Variants in ATP2B2 observed in about 807,000 individuals in gnomAD.
ATP2B2 encodes the protein ATPase plasma membrane Ca2+ transporting 2.
In ATP2B2, 15 loss-of-function variants were observed where a neutral mutation model predicts 120.0. The ratio of observed to expected loss-of-function variants is 0.12; its 90% CI spans 0.08 to 0.19. The LOEUF (loss-of-function observed/expected upper bound fraction) is 0.19. ATP2B2 is among the 10% of genes least tolerant of loss of function. The probability of loss-of-function intolerance (pLI) is 1.00; values close to 1 mark genes in which losing one functional copy is unlikely to be tolerated. For synonymous variants in ATP2B2, 694 were observed against 700.3 expected, an observed-to-expected ratio of 0.99 and a Z score of 0.14; for missense variants, 1,045 against 1,719.8, an observed-to-expected ratio of 0.61 and a Z score of 6.94.
intron 14 of ATP2B2, among the ~76,000 whole-genome samples, chr3:10,354,049 C>T (rs1268053329): frequency 1.3e-5 from 2 of 152,180 alleles, no homozygotes; most frequent in South Asian, 2.1e-4. Context: ...GCCTTCTTGC[C>T]CTGCTCATTC....
rs2059925974 is a variant in ATP2B2, at chr3:10,329,601, A to C, written c.3421-476T>G. Reference sequence around the variant, plus strand: ...ACACACAGTTAAGAAACCATACAACATGGAACATGTTACGTGTCACAAACA... The same window carrying C: ...ACACACAGTTAAGAAACCATACAACCTGGAACATGTTACGTGTCACAAACA... On this transcript the variant is annotated intron_variant, in intron 22 of 22. Coordinates refer to ENST00000360273, the MANE Select transcript of ATP2B2 (RefSeq NM_001001331.4). This position sits in a 1 kb window ranked among gnomAD's most constrained non-coding sequence, Gnocchi z 5.9. 1.3e-5 allele frequency among the ~76,000 whole-genome samples: 2 copies of C among 152,166 alleles called. No individual in the cohort carries two copies. The highest frequency in any genetic ancestry group is 4.1e-4 in the South Asian group (2 of 4,830).
intron 1 of ATP2B2, among the ~76,000 whole-genome samples, chr3:10,692,084 C>CAG (rs757946873): frequency 3.1e-4 from 47 of 151,188 alleles, no homozygotes; most frequent in Middle Eastern, 3.4e-3. Flanking sequence ...TATATTAAAT[C>CAG]AGAGAGAGAG....
rs11128515 is a variant in ATP2B2, at chr3:10,545,456, G to C, written c.-414-11323C>G. Among the ~76,000 whole-genome samples, 2,114 of 152,066 alleles carry C rather than the reference G, an allele frequency of 0.014. 140 individuals are homozygous for C. The East Asian group carries it at 0.2, about 14-fold the overall frequency. On this transcript the variant is annotated intron_variant, in intron 2 of 21. Coordinates refer to the ATP2B2 transcript ENST00000646379. ...CAGCGAGAGAATCGCTTGAACTCAG[G>C]AGGTGGAAGTTACAGTGAGCCAAGA... is the stretch of plus-strand genomic sequence containing the variant.
At chr3:10,690,808 T>C (rs893396000) in intron 1 of ATP2B2, among the ~76,000 whole-genome samples, 3 of 152,244 alleles carry the variant, frequency 2.0e-5, no homozygotes, top group African/African-American at 2.4e-5. Flanking sequence ...ATATGAATTA[T>C]ATGAATTCTC....
In ATP2B2 at chr3:10,428,662, T is replaced by C. The variant is rs141465243; in HGVS notation, c.200-17847A>G. ...TCAAATCACAGTCCATTGAGTTCTG[T>C]GTAGCCTGAGGCTCAGTGAAAAAAG... On this transcript the variant is annotated intron_variant, in intron 2 of 22. Transcript: ENST00000360273. Among the ~76,000 whole-genome samples the C allele has an allele frequency of 1.1e-3, 175 of 152,336 alleles. 1 individual carries two copies. The highest frequency in any genetic ancestry group is 4.0e-3 in the African/African-American group (166 of 41,564).
intron 1 of ATP2B2, among the ~76,000 whole-genome samples, chr3:10,628,396 G>GTGAA: frequency 6.6e-6 from 1 of 150,464 alleles, no homozygotes; most frequent in African/African-American, 2.5e-5. Flanking sequence ...GCAGCCAGGA[G>GTGAA]CAGCCCTCCT....
At chr3:10,581,145 C>T (rs952135139) in intron 2 of ATP2B2, among the ~76,000 whole-genome samples, 3 of 152,220 alleles carry the variant, frequency 2.0e-5, no homozygotes, top group Non-Finnish European at 4.4e-5. Context: ...AACCAGTAGG[C>T]AGCAGGGCCA....
chr3:10,704,024 G>A (rs71316422), intron 1 of ATP2B2, among the ~76,000 whole-genome samples: 6,278 of 152,200 alleles, frequency 0.041, 170 homozygotes, highest in South Asian at 0.13. Flanking sequence ...CCCTGTGGAG[G>A]CCACAGTAAA....
rs114125702 is a variant in ATP2B2, at chr3:10,653,778, C to T, written c.-459-33817G>A. On this transcript the variant is annotated intron_variant, in intron 1 of 21. Coordinates refer to the ATP2B2 transcript ENST00000646379. ...AGGCTTAGTGAGAGTCTCCAGCCTA[C>T]GTCTTACTATAGCCTACGATATCCT... Among the ~76,000 whole-genome samples the T allele has an allele frequency of 5.7e-3, 867 of 152,248 alleles. 11 individuals carry two copies. The highest frequency in any genetic ancestry group is 0.02 in the African/African-American group (811 of 41,540).
chr3:10,616,996 A>G (rs1460502591), intron 2 of ATP2B2, among the ~76,000 whole-genome samples: 1 of 152,192 alleles, frequency 6.6e-6, no homozygotes, highest in African/African-American at 2.4e-5. Context: ...TTTCTCCTCC[A>G]TTATTAAAAA....
chr3:10,582,284 C>T (rs2068409265), intron 2 of ATP2B2, among the ~76,000 whole-genome samples: 1 of 152,070 alleles, frequency 6.6e-6, no homozygotes, highest in Admixed American at 6.5e-5. Flanking sequence ...TGGAGACAGA[C>T]CTTGCAAGTT....
chr3:10,369,138 AGCT>A (rs1292685689), intron 12 of ATP2B2, among the ~76,000 whole-genome samples: 14 of 152,316 alleles, frequency 9.2e-5, no homozygotes, highest in Admixed American at 2.0e-4. Context: ...TGGGTAGTGA[AGCT>A]GGTGGACATT....
chr3:10,389,404 G>A (rs1391353769), intron 5 of ATP2B2, among the ~76,000 whole-genome samples: 1 of 152,216 alleles, frequency 6.6e-6, no homozygotes, highest in Non-Finnish European at 1.5e-5. Context: ...ACACTCAATG[G>A]AATATTATTC....
rs140479694 is a variant in ATP2B2, at chr3:10,387,003, C to T, written c.908-491G>A. The stretch of plus-strand genomic sequence containing the variant: ...AGAGTCTGGGGGCGTCTTCCCCTCA[C>T]TCAAGCCTCAGTGAGGTGAAGACAA... On this transcript the variant is annotated intron_variant, in intron 6 of 22. Transcript: ENST00000360273. Among the ~76,000 whole-genome samples the T allele has an allele frequency of 1.2e-3, 177 of 152,342 alleles. 6 individuals are homozygous for T. In the South Asian group the frequency reaches 0.027, roughly 24 times the overall value.
At chr3:10,373,984 C>T (rs1457001880) in intron 11 of ATP2B2, among the ~76,000 whole-genome samples, 1 of 152,150 alleles carries the variant, frequency 6.6e-6, no homozygotes, top group African/African-American at 2.4e-5. Flanking sequence ...GCTCCCAGGT[C>T]CAGGCTCAGA....
At chr3:10,470,715 C>T (rs1430216906) in intron 1 of ATP2B2, among the ~76,000 whole-genome samples, 1 of 152,200 alleles carries the variant, frequency 6.6e-6, no homozygotes, top group Non-Finnish European at 1.5e-5. Flanking sequence ...CTCGGGGCAT[C>T]TCTGCCTCAG....
At chr3:10,370,606 C>T (rs192987636) in intron 12 of ATP2B2, among the ~76,000 whole-genome samples, 1 of 152,186 alleles carries the variant, frequency 6.6e-6, no homozygotes, top group Non-Finnish European at 1.5e-5. Flanking sequence ...GGTGCAGGAG[C>T]CGCCTCCTCC....
At chr3:10,560,226 G>C (rs1263840247) in intron 2 of ATP2B2, among the ~76,000 whole-genome samples, 1 of 152,208 alleles carries the variant, frequency 6.6e-6, no homozygotes, top group East Asian at 1.9e-4. Context: ...GCGTGTCGCA[G>C]GCAGGCCAGG....
chr3:10,487,659 C>G (rs893246678), intron 1 of ATP2B2, among the ~76,000 whole-genome samples: 1 of 152,106 alleles, frequency 6.6e-6, no homozygotes, highest in African/African-American at 2.4e-5. Context: ...TGAAAACTTG[C>G]GAATGAATAA....
Sources: allele counts gnomAD v4.1 joint callset (sites outside exome capture counted in the v4.1 genomes callset), GRCh38; gene constraint gnomAD v4.1.1; non-coding constraint Gnocchi (gnomAD v3.1); transcripts MANE v1.5; gene names NCBI Gene and HGNC (gene_info 2026-07-23, HGNC 2026-07-21).